Variants in CRPPA observed in about 807,000 individuals in gnomAD.
CRPPA encodes CDP-L-ribitol pyrophosphorylase A, also known as D-ribitol-5-phosphate cytidylyltransferase.
CRPPA carries 43 observed loss-of-function variants against 52.0 expected under a neutral mutation model. The ratio of observed to expected loss-of-function variants is 0.83; its 90% confidence interval spans 0.65 to 1.07. The LOEUF is 1.07. Ranked by LOEUF, CRPPA falls within the 50% of genes least tolerant of loss-of-function variation. CRPPA has a pLI of 0.00. For synonymous variants in CRPPA, 250 were observed against 203.5 expected (o/e 1.23, Z -1.94); for missense variants, 629 against 551.7 (o/e 1.14, Z -1.40).
At chr7:16,107,683 T>A (rs1562507551) in intron 9 of CRPPA, among the ~76,000 whole-genome samples, 1 of 151,446 alleles carries the variant, frequency 6.6e-6, no homozygotes, top group Non-Finnish European at 1.5e-5. Context: ...GCAAAAAAAA[T>A]CAATTGTATA....
At chr7:16,143,867 C>G (rs1213090197) in intron 9 of CRPPA, among the ~76,000 whole-genome samples, 1 of 152,018 alleles carries the variant, frequency 6.6e-6, no homozygotes, top group African/African-American at 2.4e-5. Flanking sequence ...ACAAAAACAA[C>G]AACAAAATAA....
chr7:16,365,008 T>C (rs2128310048), intron 3 of CRPPA, among the ~76,000 whole-genome samples: 1 of 152,372 alleles, frequency 6.6e-6, no homozygotes, highest in East Asian at 1.9e-4. Flanking sequence ...ATCAGTCACA[T>C]CTTGTTCCCT....
chr7:16,318,624 C>T (rs947762097), intron 3 of CRPPA, among the ~76,000 whole-genome samples: 8 of 152,166 alleles, frequency 5.3e-5, no homozygotes, highest in African/African-American at 1.9e-4. Context: ...GAGAGCTCTG[C>T]TCCTTGGGTT....
intron 3 of CRPPA, among the ~76,000 whole-genome samples, chr7:16,358,738 T>C (rs1016625670): frequency 2.0e-5 from 3 of 152,144 alleles, no homozygotes; most frequent in Non-Finnish European, 4.4e-5. Context: ...ATTCCACTTG[T>C]CCAAAATATT....
intron 9 of CRPPA, among the ~76,000 whole-genome samples, chr7:16,108,129 A>T (rs369409681): frequency 6.6e-6 from 1 of 152,034 alleles, no homozygotes; most frequent in African/African-American, 2.4e-5. Context: ...GTAAATCCTT[A>T]CCTATCAATA....
Position 16,267,823 on chromosome 7 carries a change from T to G in CRPPA, c.934-8811A>C, listed in dbSNP as rs576868753. Among the ~76,000 whole-genome samples, 5 of 152,180 alleles carry G rather than the reference T, an allele frequency of 3.3e-5. No individual in the cohort carries two copies. The South Asian group carries it at 1.0e-3, about 32-fold the overall frequency. On this transcript the variant is annotated intron_variant, in intron 6 of 9. Transcript: ENST00000407010. Reference sequence around the variant, plus strand: ...GATTCGAGCGTGGGTCAAAAACATTTGAAAAACAAAACTAAACAATAAAAA... The same window carrying G: ...GATTCGAGCGTGGGTCAAAAACATTGGAAAAACAAAACTAAACAATAAAAA...
rs17460152 is a variant in CRPPA, at chr7:16,294,130, G to A, written c.835+7291C>T. ...TATATATTCTCTAAGTTAGTTGAGA[G>A]AAAAGTTAGAAGGAAAAGCAAAGTT... On this transcript the variant is annotated intron_variant, in intron 5 of 9. Coordinates refer to ENST00000407010, the MANE Select transcript of CRPPA (RefSeq NM_001101426.4). Among the ~76,000 whole-genome samples the A allele has an allele frequency of 5.9e-3, 900 of 151,982 alleles. 4 individuals are homozygous for A. Among genetic ancestry groups the A allele is most frequent in the Non-Finnish European group, 0.011 (718 of 67,862 alleles).
intron 9 of CRPPA, among the ~76,000 whole-genome samples, chr7:16,168,006 T>A (rs760719909): frequency 1.3e-5 from 2 of 152,252 alleles, no homozygotes; most frequent in Non-Finnish European, 2.9e-5. Flanking sequence ...TCCCCTTTCT[T>A]CTTTTTATGT....
intron 9 of CRPPA, among the ~76,000 whole-genome samples, chr7:16,139,104 T>C (rs1325855714): frequency 1.3e-5 from 2 of 152,064 alleles, no homozygotes; most frequent in Non-Finnish European, 1.5e-5. Flanking sequence ...GCCTGGCCAA[T>C]TTACCCCCTT....
At chr7:16,381,086 G>T (rs1160605189) in intron 2 of CRPPA, among the ~76,000 whole-genome samples, 1 of 151,508 alleles carries the variant, frequency 6.6e-6, no homozygotes, top group Admixed American at 6.6e-5. Context: ...TGATGTTAGG[G>T]TGTCAATTTT....
At chr7:16,262,645 T>C (rs1783839408) in intron 6 of CRPPA, among the ~76,000 whole-genome samples, 2 of 152,166 alleles carry the variant, frequency 1.3e-5, no homozygotes, top group Admixed American at 6.5e-5. Context: ...CAGACACTGA[T>C]AATTTTCTCT....
chr7:16,269,441 T>C (rs1188043751), intron 6 of CRPPA: 2 of 152,176 alleles, frequency 1.3e-5, no homozygotes, highest in Non-Finnish European at 2.9e-5. Context: ...TCAAGACATG[T>C]TGAGCCACAA....
At chr7:16,344,664 A>C (rs1024543490) in intron 3 of CRPPA, among the ~76,000 whole-genome samples, 3 of 152,122 alleles carry the variant, frequency 2.0e-5, no homozygotes, top group Admixed American at 6.6e-5. Context: ...AAAAGGTATA[A>C]ATTATTTGAA....
chr7:16,161,115 C>A (rs1474191498), intron 9 of CRPPA, among the ~76,000 whole-genome samples: 1 of 152,148 alleles, frequency 6.6e-6, no homozygotes, highest in Non-Finnish European at 1.5e-5. Flanking sequence ...CACATACAAT[C>A]ATGTCATCTA....
At chr7:16,315,310 T>C (rs757465032) in intron 3 of CRPPA, among the ~76,000 whole-genome samples, 1 of 152,192 alleles carries the variant, frequency 6.6e-6, no homozygotes, top group Non-Finnish European at 1.5e-5. Flanking sequence ...ATATTAATCA[T>C]AGTTGTTTTA....
intron 9 of CRPPA, among the ~76,000 whole-genome samples, chr7:16,135,220 C>G (rs1583380717): frequency 2.0e-5 from 3 of 152,140 alleles, no homozygotes; most frequent in East Asian, 3.8e-4. Flanking sequence ...CAGGATTAAT[C>G]TAAAATGCAT....
intron 2 of CRPPA, 35 bp from the exon 3 acceptor site, chr7:16,376,276 T>G (rs765064748): frequency 6.4e-7 from 1 of 1,555,436 alleles, no homozygotes; most frequent in Admixed American, 2.0e-5. Flanking sequence ...ATATTTCACC[T>G]ACAAGCCATT....
At chr7:16,348,891 C>A (rs1253014267) in intron 3 of CRPPA, among the ~76,000 whole-genome samples, 1 of 152,212 alleles carries the variant, frequency 6.6e-6, no homozygotes, top group East Asian at 1.9e-4. Flanking sequence ...AAGGGACTGT[C>A]TCCTTAACAA....
At chr7:16,349,418 C>T (rs1044248868) in intron 3 of CRPPA, among the ~76,000 whole-genome samples, 10 of 152,234 alleles carry the variant, frequency 6.6e-5, no homozygotes, top group Admixed American at 2.6e-4. Flanking sequence ...CAGAAATATA[C>T]GTTCCAAATA....
Sources: gnomAD v4.1 joint callset for allele counts (sites outside exome capture counted in the v4.1 genomes callset) on GRCh38, gnomAD v4.1.1 for gene constraint, MANE v1.5 for transcripts, NCBI Gene and HGNC (gene_info 2026-07-23, HGNC 2026-07-21) for gene names.